The following ARHGAP35 variants were observed in gnomAD, a reference collection of about 807,000 sequenced individuals.
ARHGAP35 encodes the protein Rho GTPase activating protein 35, also known as rho GTPase-activating protein 35.
In ARHGAP35, 15 loss-of-function variants were observed where a neutral mutation model predicts 111.1. The ratio of observed to expected loss-of-function variants is 0.13; its 90% CI spans 0.09 to 0.21. ARHGAP35 has a LOEUF of 0.21. Among genes scored for constraint, ARHGAP35 ranks in the 10% least tolerant of loss-of-function variants. The pLI is 1.00. For synonymous variants in ARHGAP35, 643 were observed against 710.3 expected, an observed-to-expected ratio of 0.91 and a Z score of 1.51; for missense variants, 1,262 against 1,873.0, an observed-to-expected ratio of 0.67 and a Z score of 6.02.
At chr19:46,881,846 T>C (rs2055963842) in intron 1 of ARHGAP35, among the ~76,000 whole-genome samples, 1 of 152,126 alleles carries the variant, frequency 6.6e-6, no homozygotes, top group Non-Finnish European at 1.5e-5. Flanking sequence ...TTGTCTATAG[T>C]AGCCACCTTC....
Position 46,945,408 on chromosome 19 carries a change from T to A in ARHGAP35, c.3826+8000T>A, listed in dbSNP as rs921068997. Among the ~76,000 whole-genome samples, 7 of 152,076 alleles carry A rather than the reference T, an allele frequency of 4.6e-5. No individual in the cohort carries two copies. Among genetic ancestry groups the A allele is most frequent in the Non-Finnish European group, 7.4e-5 (5 of 68,004 alleles). On this transcript the variant is annotated intron_variant, in intron 3 of 6. Transcript: ENST00000672722. The surrounding 1 kb of genome is among the most constrained non-coding windows in gnomAD (Gnocchi z 4.1). ...GTAGAATTATTCAATTCAGTGTACC[T>A]CTCTGGAATGGGGCAAGAGGTTACT...
At chr19:46,978,951 G>C (rs1285306705) in intron 3 of ARHGAP35, among the ~76,000 whole-genome samples, 1 of 134,632 alleles carries the variant, frequency 7.4e-6, no homozygotes, top group Non-Finnish European at 1.6e-5. Flanking sequence ...CTGTGTGTGT[G>C]TGGTGGGGTT....
rs145676771 is a variant in ARHGAP35, at chr19:47,003,914, ACACG to A, written c.*3230_*3233del. The A allele has an allele frequency of 0.095, 6,653 of 70,256 alleles. 183 individuals carry two copies. Among genetic ancestry groups the A allele is most frequent in the Middle Eastern group, 0.3 (31 of 104 alleles). The allele number at this position is 70,256 out of a possible 1,614,324, so 4.4% of individuals were successfully genotyped here. A position where few individuals can be genotyped will look rare whatever the true frequency, so the allele number is the denominator to read the frequency against. On this transcript the variant is annotated 3_prime_UTR_variant, in exon 7 of 7. Transcript: ENST00000672722. ...CCCCGCAGGCCACCAGGCATTCTGGACACGCACACACACACACACACACACACAC... is the reference window on the plus strand; with the variant it reads ...CCCCGCAGGCCACCAGGCATTCTGGACACACACACACACACACACACACAC...
chr19:46,907,834 C>T (rs2056118772), intron 1 of ARHGAP35, among the ~76,000 whole-genome samples: 1 of 152,148 alleles, frequency 6.6e-6, no homozygotes, highest in African/African-American at 2.4e-5. Context: ...AAATAAAAGC[C>T]AACCATCCTT....
At chr19:46,957,503 C>T (rs1425763014) in intron 3 of ARHGAP35, among the ~76,000 whole-genome samples, 1 of 151,912 alleles carries the variant, frequency 6.6e-6, no homozygotes, top group Non-Finnish European at 1.5e-5. Flanking sequence ...GTCCCAGCTA[C>T]TTGGGAGGCT....
chr19:46,896,916 C>G (rs1030221554), intron 1 of ARHGAP35, among the ~76,000 whole-genome samples: 2 of 152,104 alleles, frequency 1.3e-5, no homozygotes, highest in African/African-American at 4.8e-5. Flanking sequence ...TCTTTTGAGA[C>G]AGCTTCTTGT....
At chr19:46,888,952 A>G (rs1409619788) in intron 1 of ARHGAP35, among the ~76,000 whole-genome samples, 1 of 151,542 alleles carries the variant, frequency 6.6e-6, no homozygotes, top group Non-Finnish European at 1.5e-5. Flanking sequence ...GTGAGCCAAG[A>G]TCACGCCACT....
At position 46,930,111 on chromosome 19, in the gene ARHGAP35, A is replaced by G. The variant is rs565396302; in HGVS notation, c.3682-7153A>G. ...GCCAGACATGGTGGCTCACACTTGT[A>G]ATCCCAATGCTTTGGGAGGCCGAGT... On this transcript the variant is annotated intron_variant, in intron 2 of 6. Transcript: ENST00000672722. 1.2e-4 allele frequency among the ~76,000 whole-genome samples: 19 copies of G among 152,136 alleles called. No individual in the cohort carries two copies. In the South Asian group the frequency reaches 3.1e-3, roughly 25 times the overall value.
At chr19:46,952,381 A>T (rs1257760734) in intron 3 of ARHGAP35, among the ~76,000 whole-genome samples, 1 of 152,256 alleles carries the variant, frequency 6.6e-6, no homozygotes, top group Non-Finnish European at 1.5e-5. Context: ...ATGAAAAGTA[A>T]GCCCCATAAC....
Position 46,880,641 on chromosome 19 carries a change from C to T in ARHGAP35, c.-189+19432C>T, listed in dbSNP as rs150238575. Among the ~76,000 whole-genome samples the T allele has an allele frequency of 1.8e-3, 269 of 152,156 alleles. 2 individuals are homozygous for T. Among genetic ancestry groups the T allele is most frequent in the Admixed American group, 2.0e-3 (30 of 15,254 alleles). On this transcript the variant is annotated intron_variant, in intron 1 of 6. Coordinates refer to ENST00000672722, the MANE Select transcript of ARHGAP35 (RefSeq NM_004491.5). ...CCTGTTAATGTTGATATTGTGAGCT[C>T]TCTCATGAATCATGAATCTTCTTTT...
At chr19:46,980,580 T>G (rs942172727) in intron 3 of ARHGAP35, among the ~76,000 whole-genome samples, 2 of 152,202 alleles carry the variant, frequency 1.3e-5, no homozygotes, top group Non-Finnish European at 2.9e-5. Context: ...TTAAAATGTT[T>G]TTCTACAAAC....
intron 3 of ARHGAP35, among the ~76,000 whole-genome samples, chr19:46,960,176 GC>G (rs1377184005): frequency 6.6e-6 from 1 of 151,638 alleles, no homozygotes; most frequent in African/African-American, 2.4e-5. Context: ...GTGTGCTTAT[GC>G]CCTTTTCCGC....
At chr19:46,955,352 T>A (rs1232400867) in intron 3 of ARHGAP35, among the ~76,000 whole-genome samples, 2 of 152,200 alleles carry the variant, frequency 1.3e-5, no homozygotes, top group African/African-American at 4.8e-5. Flanking sequence ...AGTAGCTGTT[T>A]GAATAACAAT....
chr19:46,869,197 A>G (rs1023939860), intron 1 of ARHGAP35, among the ~76,000 whole-genome samples: 2 of 152,098 alleles, frequency 1.3e-5, no homozygotes, highest in Admixed American at 1.3e-4. Flanking sequence ...CTGAGACTCC[A>G]CATCTGGACA....
At chr19:46,881,996 CT>C (rs1334647717) in intron 1 of ARHGAP35, among the ~76,000 whole-genome samples, 1 of 152,192 alleles carries the variant, frequency 6.6e-6, no homozygotes, top group African/African-American at 2.4e-5. Flanking sequence ...CAGCTTCTAA[CT>C]TTTCTCTGTA....
At chr19:46,959,237 T>G (rs1028003984) in intron 3 of ARHGAP35, among the ~76,000 whole-genome samples, 13 of 152,192 alleles carry the variant, frequency 8.5e-5, no homozygotes, top group African/African-American at 3.1e-4. Context: ...GCTACTTTTT[T>G]GTATTTTTTG....
intron 3 of ARHGAP35, among the ~76,000 whole-genome samples, chr19:46,944,524 CATG>C (rs1182855248): frequency 6.6e-6 from 1 of 152,122 alleles, no homozygotes; most frequent in East Asian, 1.9e-4. Flanking sequence ...TTTAGCAGAA[CATG>C]ATATCTTGGG....
chr19:46,985,809 A>G (rs772262883), intron 3 of ARHGAP35, among the ~76,000 whole-genome samples: 10 of 152,194 alleles, frequency 6.6e-5, no homozygotes, highest in Non-Finnish European at 1.3e-4. Flanking sequence ...TCTCGGGGAA[A>G]GGGCCTTGGT....
chr19:46,969,124 G>A (rs934160756), intron 3 of ARHGAP35, among the ~76,000 whole-genome samples: 5 of 152,042 alleles, frequency 3.3e-5, no homozygotes, highest in African/African-American at 4.8e-5. Flanking sequence ...GGTTGCCAGG[G>A]GCTGCGAGAA....
Sources: allele counts gnomAD v4.1 joint callset (sites outside exome capture counted in the v4.1 genomes callset), GRCh38; gene constraint gnomAD v4.1.1; non-coding constraint Gnocchi (gnomAD v3.1); transcripts MANE v1.5; gene names NCBI Gene and HGNC (gene_info 2026-07-23, HGNC 2026-07-21).